Variants in PMEPA1 observed in about 807,000 individuals in gnomAD.
The protein encoded by PMEPA1 is protein TMEPAI.
PMEPA1 carries 11 observed loss-of-function variants against 23.0 expected under a neutral mutation model. That is an observed-to-expected ratio of 0.48 (90% CI 0.30 to 0.79). PMEPA1 has a LOEUF of 0.79. Among genes scored for constraint, PMEPA1 ranks in the 30% least tolerant of loss-of-function variants. The pLI, the probability that PMEPA1 is intolerant of heterozygous loss-of-function variation, is 0.06. For missense variants in PMEPA1, 377 were observed against 390.9 expected (o/e 0.96, Z 0.30); for synonymous variants, 204 against 166.4 (o/e 1.23, Z -1.74).
Position 57,652,745 on chromosome 20 carries a change from G to C in PMEPA1, c.319-147C>G. ...CAGGGCTGGCGGGGGCGGGAGCCCAGAGCCTGATCCCGCGGGGGCCCTGGC... is the reference window on the plus strand; with the variant it reads ...CAGGGCTGGCGGGGGCGGGAGCCCACAGCCTGATCCCGCGGGGGCCCTGGC... On this transcript the variant is annotated intron_variant, in intron 3 of 3. Transcript: ENST00000341744. The surrounding 1 kb of genome is among the most constrained non-coding windows in gnomAD (Gnocchi z 6.1). 1.3e-6 allele frequency: 1 copy of C among 790,464 alleles called. No individual in the cohort carries two copies. The highest frequency in any genetic ancestry group is 2.0e-6 in the Non-Finnish European group (1 of 511,074). 49.0% of individuals were successfully genotyped at this position (790,464 alleles called of 1,614,324 possible).
At position 57,650,934 on chromosome 20, in the gene PMEPA1, A is replaced by G. The variant is rs917994866; in HGVS notation, c.*1119T>C. On this transcript the variant is annotated 3_prime_UTR_variant, in exon 4 of 4. Transcript: ENST00000341744. ...ACAACCACCAAAGCGCCCTGCAGAG[A>G]CAAGTCATCGAGCCCTCTGGCATGT... The G allele has an allele frequency of 1.3e-5, 2 of 152,246 alleles. No homozygotes were observed. Among genetic ancestry groups the G allele is most frequent in the African/African-American group, 4.8e-5 (2 of 41,448 alleles). 9.4% of individuals were successfully genotyped at this position (152,246 alleles called of 1,614,324 possible).
At chr20:57,691,186 G>A (rs903067487) in intron 1 of PMEPA1, among the ~76,000 whole-genome samples, 2 of 152,220 alleles carry the variant, frequency 1.3e-5, no homozygotes, top group Non-Finnish European at 2.9e-5. Flanking sequence ...CTCAATGAAT[G>A]TGTCAGATGA....
intron 1 of PMEPA1, among the ~76,000 whole-genome samples, chr20:57,661,725 G>C (rs1228938930): frequency 1.3e-5 from 2 of 152,174 alleles, no homozygotes; most frequent in African/African-American, 4.8e-5. Flanking sequence ...AACCCGGGGG[G>C]CCCAGCCATC....
At chr20:57,659,512 C>T (rs2071378679) in intron 2 of PMEPA1, 31 bp downstream of exon 2, 2 of 1,606,926 alleles carry the variant, frequency 1.2e-6, no homozygotes, top group Non-Finnish European at 8.5e-7. Context: ...GCCGCACCCT[C>T]AGGCCACAGA....
intron 1 of PMEPA1, among the ~76,000 whole-genome samples, chr20:57,676,487 G>C (rs2071638497): frequency 6.6e-6 from 1 of 152,228 alleles, no homozygotes; most frequent in Non-Finnish European, 1.5e-5. Flanking sequence ...GTTTATTAAC[G>C]ATCTGGAGTG....
chr20:57,672,613 G>A (rs1328615009), intron 1 of PMEPA1, among the ~76,000 whole-genome samples: 1 of 152,174 alleles, frequency 6.6e-6, no homozygotes, highest in Non-Finnish European at 1.5e-5. Context: ...TCTGTCTTTC[G>A]GGAGCAAGAG....
Position 57,652,200 on chromosome 20 carries a change from G to A in PMEPA1, c.717C>T (p.Tyr239=), listed in dbSNP as rs1173406102. The change falls in exon 4 of 4, where the codon TAC becomes TAT. Residue 239 remains tyrosine, a synonymous_variant. Coordinates refer to ENST00000341744, the MANE Select transcript of PMEPA1 (RefSeq NM_020182.5). This position sits in a 1 kb window ranked among gnomAD's most constrained non-coding sequence, Gnocchi z 6.1. ...PPTYSEVIGH[Y]PGSSFQHQQS... Reference sequence around the variant, plus strand: ...GCTGGTGCTGGAAGGAGGACCCCGGGTAGTGGCCGATGACCTCGCTGTAGG... The same window carrying A: ...GCTGGTGCTGGAAGGAGGACCCCGGATAGTGGCCGATGACCTCGCTGTAGG... 1.9e-6 allele frequency: 3 copies of A among 1,609,932 alleles called. No individual in the cohort carries two copies. Among genetic ancestry groups the A allele is most frequent in the Non-Finnish European group, 2.5e-6 (3 of 1,179,226 alleles).
Position 57,663,671 on chromosome 20 carries a change from C to T in PMEPA1, c.110-3974G>A, listed in dbSNP as rs138535285. The stretch of plus-strand genomic sequence containing the variant: ...GCACTGAGGCTTTTGGTGCAGGGCA[C>T]GGAGTGCGGGGCAGAGTGGAGCACA... On this transcript the variant is annotated intron_variant, in intron 1 of 3. Coordinates refer to ENST00000341744, the MANE Select transcript of PMEPA1 (RefSeq NM_020182.5). 1.9e-3 allele frequency among the ~76,000 whole-genome samples: 291 copies of T among 152,312 alleles called. 1 individual carries two copies. The highest frequency in any genetic ancestry group is 6.5e-3 in the African/African-American group (269 of 41,578).
chr20:57,687,264 G>A (rs777240991), intron 1 of PMEPA1, among the ~76,000 whole-genome samples: 23 of 152,140 alleles, frequency 1.5e-4, no homozygotes, highest in Non-Finnish European at 3.4e-4. Flanking sequence ...CCTGTGCCTG[G>A]GGCACCTGTG....
At chr20:57,653,789 G>C (rs1215145132) in intron 2 of PMEPA1, among the ~76,000 whole-genome samples, 1 of 152,200 alleles carries the variant, frequency 6.6e-6, no homozygotes, top group African/African-American at 2.4e-5. Context: ...GTCCCCTGCA[G>C]ACCCTTGGAG....
At chr20:57,710,230 A>C (rs1207794015), upstream of PMEPA1, 3 of 535,478 alleles carry the variant, frequency 5.6e-6, no homozygotes, top group African/African-American at 2.0e-5. Context: ...CCCTCTCCCC[A>C]ACGGCGGTCA....
At chr20:57,706,875 C>T (rs2072097694) in intron 1 of PMEPA1, among the ~76,000 whole-genome samples, 1 of 152,168 alleles carries the variant, frequency 6.6e-6, no homozygotes, top group South Asian at 2.1e-4. Flanking sequence ...CTGAAGACCA[C>T]ACAGGGGAAC....
intron 1 of PMEPA1, among the ~76,000 whole-genome samples, chr20:57,702,666 T>G (rs574753840): frequency 6.6e-6 from 1 of 152,300 alleles, no homozygotes; most frequent in East Asian, 1.9e-4. Context: ...AGCTTGCGTT[T>G]GAATCCCAAT....
At chr20:57,659,171 G>T (rs908737185) in intron 2 of PMEPA1, among the ~76,000 whole-genome samples, 1 of 126,876 alleles carries the variant, frequency 7.9e-6, no homozygotes, top group African/African-American at 3.7e-5. Context: ...ACCACTGGGC[G>T]TCTCATCTCC....
chr20:57,692,591 C>T (rs1237465859), intron 1 of PMEPA1, among the ~76,000 whole-genome samples: 1 of 152,246 alleles, frequency 6.6e-6, no homozygotes, highest in Non-Finnish European at 1.5e-5. Flanking sequence ...CCACTTTTGG[C>T]CCCAGGAGGA....
At chr20:57,679,157 T>G (rs530137388) in intron 1 of PMEPA1, among the ~76,000 whole-genome samples, 15 of 152,226 alleles carry the variant, frequency 9.9e-5, no homozygotes, top group African/African-American at 3.6e-4. Flanking sequence ...GGGACAGCCT[T>G]TCGGAGGAGG....
rs2071746023 is a variant in PMEPA1, at chr20:57,683,321, T to C, written c.110-23624A>G. 6.6e-6 allele frequency among the ~76,000 whole-genome samples: 1 copy of C among 152,208 alleles called. No homozygotes were observed. Among genetic ancestry groups the C allele is most frequent in the Admixed American group, 6.5e-5 (1 of 15,274 alleles). ...AAACATCAATACTGTTGCCATTCAGTTCTCTATGCCATGCTGGCCTGGTGA... is the reference window on the plus strand; with the variant it reads ...AAACATCAATACTGTTGCCATTCAGCTCTCTATGCCATGCTGGCCTGGTGA... On this transcript the variant is annotated intron_variant, in intron 1 of 3. Coordinates refer to ENST00000341744, the MANE Select transcript of PMEPA1 (RefSeq NM_020182.5). This position sits in a 1 kb window ranked among gnomAD's most constrained non-coding sequence, Gnocchi z 4.3.
chr20:57,665,324 A>G (rs1351511749), intron 1 of PMEPA1, among the ~76,000 whole-genome samples: 1 of 152,108 alleles, frequency 6.6e-6, no homozygotes, highest in Non-Finnish European at 1.5e-5. Flanking sequence ...TAGGAACTCA[A>G]AAGGGGGAAG....
chr20:57,660,285 C>T (rs2071394982), intron 1 of PMEPA1, among the ~76,000 whole-genome samples: 1 of 152,014 alleles, frequency 6.6e-6, no homozygotes, highest in South Asian at 2.1e-4. Context: ...CAAACCTATG[C>T]ACACCTGACA....
Sources: gnomAD v4.1 joint callset for allele counts (sites outside exome capture counted in the v4.1 genomes callset) on GRCh38, gnomAD v4.1.1 for gene constraint, Gnocchi (gnomAD v3.1) non-coding constraint, MANE v1.5 for transcripts, NCBI Gene and HGNC (gene_info 2026-07-23, HGNC 2026-07-21) for gene names.